The following DIPK1A variants were observed in gnomAD, a reference collection of about 807,000 sequenced individuals.
The protein encoded by DIPK1A is family with sequence similarity 69 member A.
A neutral mutation model predicts 40.8 loss-of-function variants in DIPK1A; 27 were observed. The ratio of observed to expected loss-of-function variants is 0.66; its 90% confidence interval spans 0.49 to 0.91. The LOEUF (loss-of-function observed/expected upper bound fraction) is 0.91. Among genes scored for constraint, DIPK1A ranks in the 40% least tolerant of loss-of-function variants. The pLI is 0.00. For synonymous variants in DIPK1A, 166 were observed against 171.3 expected, an observed-to-expected ratio of 0.97 and a Z score of 0.24; for missense variants, 412 against 505.7, an observed-to-expected ratio of 0.81 and a Z score of 1.78.
rs548788886 is a variant in DIPK1A at position 92,920,347 on chromosome 1, T to C, written c.54+41029A>G. Among the ~76,000 whole-genome samples, 42 of 152,334 alleles carry C rather than the reference T, an allele frequency of 2.8e-4. No individual in the cohort carries two copies. In the South Asian group the frequency reaches 5.6e-3, roughly 20 times the overall value. On this transcript the variant is annotated intron_variant, in intron 1 of 4. Coordinates refer to ENST00000370310, the MANE Select transcript of DIPK1A (RefSeq NM_001006605.5). ...AAATGGGAGTTCCCCTGCTACAAGCTCTCCTTGCCTGCCACCATGTAAGAT... is the reference window on the plus strand; with the variant it reads ...AAATGGGAGTTCCCCTGCTACAAGCCCTCCTTGCCTGCCACCATGTAAGAT...
intron 1 of DIPK1A, chr1:92,933,918 T>C (rs1650852310): frequency 6.6e-6 from 1 of 152,204 alleles, no homozygotes; most frequent in South Asian, 2.1e-4. Context: ...TTAAGACTTT[T>C]AAAGGTAATA....
At chr1:92,948,202 T>C (rs1651447234) in intron 1 of DIPK1A, among the ~76,000 whole-genome samples, 1 of 152,098 alleles carries the variant, frequency 6.6e-6, no homozygotes, top group Non-Finnish European at 1.5e-5. Flanking sequence ...AGTAAAAGTG[T>C]AGCTGACAGA....
chr1:92,845,085 C>G (rs923929638), intron 4 of DIPK1A, among the ~76,000 whole-genome samples: 2 of 151,168 alleles, frequency 1.3e-5, no homozygotes, highest in Non-Finnish European at 3.0e-5. Context: ...GCTGGGACTA[C>G]AGGCGCCTGC....
chr1:92,895,869 CAGAG>C (rs1216871716), intron 1 of DIPK1A, among the ~76,000 whole-genome samples: 3 of 152,046 alleles, frequency 2.0e-5, no homozygotes, highest in Admixed American at 1.3e-4. Context: ...AACAGACAAA[CAGAG>C]AGCCAAATCA....
intron 1 of DIPK1A, 113 bp downstream of exon 1, chr1:92,961,263 C>A (rs1652075978): frequency 1.7e-6 from 1 of 582,834 alleles, no homozygotes; most frequent in Non-Finnish European, 2.5e-6. Context: ...CAGCGGGGTT[C>A]GGGCGGGCAC....
chr1:92,847,547 A>AT lies in DIPK1A; in HGVS notation c.298-189dup, dbSNP rs1451321179. The stretch of plus-strand genomic sequence containing the variant: ...CACTCAAGATTTTTTCCTTAAACTA[A>AT]TTTTTTAAATTATAAGAGTAATGCA... On this transcript the variant is annotated intron_variant, in intron 3 of 4. Transcript: ENST00000370310. Among the ~76,000 whole-genome samples the AT allele has an allele frequency of 2.0e-5, 3 of 152,260 alleles. No individual in the cohort carries two copies. The East Asian group carries it at 5.8e-4, about 29-fold the overall frequency.
At chr1:92,920,359 C>T (rs1650223445) in intron 1 of DIPK1A, among the ~76,000 whole-genome samples, 1 of 152,226 alleles carries the variant, frequency 6.6e-6, no homozygotes, top group African/African-American at 2.4e-5. Context: ...TCCTTGCCTG[C>T]CACCATGTAA....
chr1:92,851,018 G>T, intron 2 of DIPK1A, 63 bp from the exon 3 acceptor site: 2 of 1,029,938 alleles, frequency 1.9e-6, no homozygotes, highest in African/African-American at 1.6e-5. Flanking sequence ...AGCATAAAGA[G>T]ATATCTATAT....
At chr1:92,919,426 C>T (rs1299736680) in intron 1 of DIPK1A, among the ~76,000 whole-genome samples, 1 of 152,180 alleles carries the variant, frequency 6.6e-6, no homozygotes, top group Non-Finnish European at 1.5e-5. Context: ...GGTCCTTTCA[C>T]TTCTCTAGGC....
intron 1 of DIPK1A, among the ~76,000 whole-genome samples, chr1:92,943,883 A>G (rs1482329916): frequency 1.3e-5 from 2 of 152,380 alleles, no homozygotes; most frequent in South Asian, 4.1e-4. Context: ...CACATGAGAA[A>G]GTCCAGCAGC....
intron 1 of DIPK1A, among the ~76,000 whole-genome samples, chr1:92,915,305 C>G (rs1043975042): frequency 6.6e-6 from 1 of 151,962 alleles, no homozygotes; most frequent in Non-Finnish European, 1.5e-5. Flanking sequence ...CATGTGAGTC[C>G]GTGTATTTAA....
chr1:92,938,161 A>G (rs1651014611), intron 1 of DIPK1A, among the ~76,000 whole-genome samples: 1 of 151,826 alleles, frequency 6.6e-6, no homozygotes, highest in African/African-American at 2.4e-5. Flanking sequence ...AGTCCCAGCT[A>G]CTCAGGAGGC....
chr1:92,876,253 T>G, intron 2 of DIPK1A, 43 bp downstream of exon 2: 1 of 1,313,492 alleles, frequency 7.6e-7, no homozygotes. Flanking sequence ...AATATAGTGT[T>G]ATGAAGAGGC....
chr1:92,897,406 CA>C (rs942225726), intron 1 of DIPK1A, among the ~76,000 whole-genome samples: 1 of 147,802 alleles, frequency 6.8e-6, no homozygotes, highest in African/African-American at 2.5e-5. Context: ...ATCGCAAGGA[CA>C]AAAAAAACAA....
intron 4 of DIPK1A, among the ~76,000 whole-genome samples, chr1:92,844,984 G>C (rs530597636): frequency 8.9e-6 from 1 of 111,732 alleles, no homozygotes. Context: ...TCGCTCTTTC[G>C]CCCAGGCTGG....
intron 1 of DIPK1A, among the ~76,000 whole-genome samples, chr1:92,947,139 C>T (rs964947543): frequency 6.6e-6 from 1 of 151,924 alleles, no homozygotes; most frequent in African/African-American, 2.4e-5. Context: ...GTAACTTACA[C>T]AAAAATAAAA....
At chr1:92,840,167 T>C (rs2100695739), downstream of DIPK1A, 1 of 258,314 alleles carries the variant, frequency 3.9e-6, no homozygotes, top group South Asian at 4.5e-5. Flanking sequence ...CCATTAATAA[T>C]TGCCACCTGG....
intron 1 of DIPK1A, among the ~76,000 whole-genome samples, chr1:92,924,537 G>A (rs1489827265): frequency 6.6e-6 from 1 of 152,052 alleles, no homozygotes; most frequent in Admixed American, 6.6e-5. Flanking sequence ...AGGAGTCAGG[G>A]GGCACCTTGC....
At chr1:92,875,923 T>C (rs1365576029) in intron 2 of DIPK1A, among the ~76,000 whole-genome samples, 1 of 151,566 alleles carries the variant, frequency 6.6e-6, no homozygotes, top group East Asian at 1.9e-4. Flanking sequence ...TATTCAAGAG[T>C]AAAAGATGTG....
Sources: allele counts gnomAD v4.1 joint callset (sites outside exome capture counted in the v4.1 genomes callset), GRCh38; gene constraint gnomAD v4.1.1; transcripts MANE v1.5; gene names NCBI Gene and HGNC (gene_info 2026-07-23, HGNC 2026-07-21).